Variants in CORO2B observed in about 807,000 individuals in gnomAD.
CORO2B encodes the protein coronin 2B.
Under a neutral mutation model 58.8 loss-of-function variants are expected in CORO2B, and 26 were observed. The ratio of observed to expected loss-of-function variants is 0.44; its 90% confidence interval spans 0.32 to 0.61. The LOEUF is 0.61. Among genes scored for constraint, CORO2B ranks in the 20% least tolerant of loss-of-function variants. CORO2B has a pLI of 0.04. For synonymous variants in CORO2B, 242 were observed against 253.8 expected, an observed-to-expected ratio of 0.95 and a Z score of 0.44; for missense variants, 460 against 645.1, an observed-to-expected ratio of 0.71 and a Z score of 3.11.
intron 2 of CORO2B, among the ~76,000 whole-genome samples, chr15:68,647,371 TAA>T (rs944132952): frequency 6.6e-6 from 1 of 152,152 alleles, no homozygotes; most frequent in Non-Finnish European, 1.5e-5. Context: ...GAAGAATATA[TAA>T]AGAGTTCCAG....
At position 68,610,723 on chromosome 15, in the gene CORO2B, C is replaced by T. The variant is rs55769311; in HGVS notation, c.15+31446C>T. Among the ~76,000 whole-genome samples, 1,296 of 151,832 alleles carry T rather than the reference C, an allele frequency of 8.5e-3. 10 individuals carry two copies. Among genetic ancestry groups the T allele is most frequent in the Non-Finnish European group, 0.014 (963 of 67,956 alleles). ...TTCTCACCTTGCAGAGTAGGGTACT[C>T]TGAGGCCCAGTCAAATAATTTCTGT... On this transcript the variant is annotated intron_variant, in intron 1 of 11. Transcript: ENST00000261861.
At chr15:68,641,703 T>G (rs1901238949) in intron 1 of CORO2B, 3 of 431,260 alleles carry the variant, frequency 7.0e-6, no homozygotes, top group Non-Finnish European at 9.3e-6. Flanking sequence ...TTGGAGGTGA[T>G]GGGGATGATT....
intron 1 of CORO2B, chr15:68,632,341 G>T: frequency 3.0e-6 from 3 of 985,396 alleles, no homozygotes; most frequent in Non-Finnish European, 3.6e-6. Context: ...AGCCCCACCT[G>T]GTAGGTAGCA....
the CORO2B span, among the ~76,000 whole-genome samples, chr15:68,539,488 C>T: frequency 8.6e-5 from 13 of 151,960 alleles, no homozygotes; most frequent in South Asian, 2.1e-4. Flanking sequence ...GCCCGGGCAA[C>T]ATGGCAAAAC....
At chr15:68,558,206 CG>C in the CORO2B span, among the ~76,000 whole-genome samples, 1 of 152,154 alleles carries the variant, frequency 6.6e-6, no homozygotes, top group African/African-American at 2.4e-5. Flanking sequence ...GACTACACAG[CG>C]GGGCTGGTGA....
At chr15:68,576,493 A>G (rs140733692), upstream of CORO2B, among the ~76,000 whole-genome samples, 145 of 152,356 alleles carry the variant, frequency 9.5e-4, no homozygotes, top group African/African-American at 3.3e-3. Context: ...AAAGGTGCCA[A>G]GAGGCATGCT....
At chr15:68,601,015 C>T (rs764224230) in intron 1 of CORO2B, among the ~76,000 whole-genome samples, 1 of 152,180 alleles carries the variant, frequency 6.6e-6, no homozygotes, top group Non-Finnish European at 1.5e-5. Flanking sequence ...GAGAGGACAC[C>T]TCCTAGCCAG....
In CORO2B at chr15:68,641,235, A is replaced by G. The variant is rs560334378; in HGVS notation, c.16-3925A>G. On this transcript the variant is annotated intron_variant, in intron 1 of 11. Transcript: ENST00000261861. ...ATCCCCGGGGAACACGCTGAGTGGGAGAACATGCCTGCTCACCCCGAGCCT... is the reference window on the plus strand; with the variant it reads ...ATCCCCGGGGAACACGCTGAGTGGGGGAACATGCCTGCTCACCCCGAGCCT... Among the ~76,000 whole-genome samples the G allele has an allele frequency of 2.0e-5, 3 of 152,330 alleles. No homozygotes were observed. In the East Asian group the frequency reaches 5.8e-4, roughly 29 times the overall value.
chr15:68,529,638 G>A, the CORO2B span, among the ~76,000 whole-genome samples: 2 of 152,022 alleles, frequency 1.3e-5, no homozygotes, highest in South Asian at 2.1e-4. Flanking sequence ...AAATCTTGTC[G>A]CAAATTTTTC....
upstream of CORO2B, among the ~76,000 whole-genome samples, chr15:68,577,751 A>C (rs558480478): frequency 3.7e-4 from 55 of 149,548 alleles, no homozygotes; most frequent in African/African-American, 1.2e-3. Context: ...AAAAAATTGC[A>C]CAATGACCCA....
At chr15:68,712,461 T>C (rs1163942197) in intron 5 of CORO2B, among the ~76,000 whole-genome samples, 1 of 152,114 alleles carries the variant, frequency 6.6e-6, no homozygotes, top group Non-Finnish European at 1.5e-5. Flanking sequence ...CCAAAGGAAA[T>C]GCTCATTGGA....
chr15:68,708,116 G>A (rs774397092), intron 3 of CORO2B, among the ~76,000 whole-genome samples: 9 of 152,140 alleles, frequency 5.9e-5, no homozygotes, highest in Non-Finnish European at 1.0e-4. Flanking sequence ...TGAGAATGGT[G>A]CACCCAAGGG....
intron 5 of CORO2B, among the ~76,000 whole-genome samples, chr15:68,712,041 G>C (rs1892932289): frequency 1.3e-5 from 2 of 152,192 alleles, no homozygotes; most frequent in African/African-American, 4.8e-5. Flanking sequence ...GGCACAGGAG[G>C]AGGAGACACT....
intron 1 of CORO2B, among the ~76,000 whole-genome samples, chr15:68,623,662 G>C (rs996250731): frequency 2.0e-5 from 3 of 152,148 alleles, no homozygotes; most frequent in African/African-American, 7.2e-5. Context: ...CCTGTTGGGC[G>C]TCTCCATCCC....
chr15:68,670,652 C>T (rs1170121777), intron 2 of CORO2B, among the ~76,000 whole-genome samples: 1 of 152,018 alleles, frequency 6.6e-6, no homozygotes, highest in Non-Finnish European at 1.5e-5. Context: ...AATTGAGGAC[C>T]TCATAGAATC....
At chr15:68,561,946 G>A in the CORO2B span, among the ~76,000 whole-genome samples, 3 of 152,156 alleles carry the variant, frequency 2.0e-5, no homozygotes, top group Non-Finnish European at 4.4e-5. Context: ...GCGTATGAAT[G>A]TGGATGAGTA....
In CORO2B at chr15:68,645,812, C is replaced by T. The variant is rs1458976943; in HGVS notation, c.216+452C>T. ...TTTTTGAGATGGAGTCTTGCTCTGT[C>T]GTCCAGGCTGAAGTTCAATGGCGCG... On this transcript the variant is annotated intron_variant, in intron 2 of 11. Transcript: ENST00000261861. The surrounding 1 kb of genome is among the most constrained non-coding windows in gnomAD (Gnocchi z 4.5). Among the ~76,000 whole-genome samples the T allele has an allele frequency of 2.0e-5, 3 of 151,820 alleles. No individual in the cohort carries two copies. Among genetic ancestry groups the T allele is most frequent in the Non-Finnish European group, 4.4e-5 (3 of 67,970 alleles).
chr15:68,635,183 C>A (rs1005604946), intron 1 of CORO2B, among the ~76,000 whole-genome samples: 38 of 152,224 alleles, frequency 2.5e-4, no homozygotes, highest in African/African-American at 8.7e-4. Context: ...CCTCTCCCCA[C>A]TGGTCTTGAA....
chr15:68,635,291 G>T (rs927870775), intron 1 of CORO2B, among the ~76,000 whole-genome samples: 1 of 152,210 alleles, frequency 6.6e-6, no homozygotes, highest in African/African-American at 2.4e-5. Flanking sequence ...AAATAGGTCA[G>T]GAGTCTGGCA....
Sources: allele counts gnomAD v4.1 joint callset (sites outside exome capture counted in the v4.1 genomes callset), GRCh38; gene constraint gnomAD v4.1.1; non-coding constraint Gnocchi (gnomAD v3.1); transcripts MANE v1.5; gene names NCBI Gene and HGNC (gene_info 2026-07-23, HGNC 2026-07-21).